Variants in ZNF888 observed in about 807,000 individuals in gnomAD.
The protein encoded by ZNF888 is zinc finger protein 888.
In ZNF888, 5 loss-of-function variants were observed where a neutral mutation model predicts 7.2. That is an observed-to-expected ratio of 0.70 (90% CI 0.36 to 1.46). ZNF888 has a LOEUF of 1.46. Ranked by LOEUF, ZNF888 falls within the 40% of genes most tolerant of loss-of-function variation. The probability of loss-of-function intolerance (pLI) is 0.03; values close to 1 mark genes in which losing one functional copy is unlikely to be tolerated. For synonymous variants in ZNF888, 240 were observed against 284.3 expected (o/e 0.84, Z 1.57); for missense variants, 716 against 858.0 (o/e 0.83, Z 2.07).
At chr19:52,918,047 T>C in intron 2 of ZNF888, 116 bp from the exon 3 acceptor site, 1 of 1,464,740 alleles carries the variant, frequency 6.8e-7, no homozygotes, top group African/African-American at 1.4e-5. Flanking sequence ...GGAAATATGG[T>C]CCACTCTGCT....
intron 2 of ZNF888, 39 bp from the exon 3 acceptor site, chr19:52,917,970 T>G: frequency 6.3e-7 from 1 of 1,597,296 alleles, no homozygotes; most frequent in East Asian, 2.2e-5. Context: ...ATATGTTGTT[T>G]ATTGCTCAGA....
chr19:52,919,562 G>T (rs1331429480), intron 1 of ZNF888, among the ~76,000 whole-genome samples: 3 of 69,820 alleles, frequency 4.3e-5, no homozygotes, highest in East Asian at 3.1e-4. Context: ...GAGATTGCAG[G>T]CTCTGCCCAG....
chr19:52,908,501 C>T (rs1306970657), intron 4 of ZNF888, among the ~76,000 whole-genome samples: 1 of 151,992 alleles, frequency 6.6e-6, no homozygotes, highest in Non-Finnish European at 1.5e-5. Flanking sequence ...ATCACTGTAA[C>T]AACAAAAAGA....
chr19:52,909,349 G>C (rs886600633), intron 4 of ZNF888, among the ~76,000 whole-genome samples: 1 of 151,514 alleles, frequency 6.6e-6, no homozygotes, highest in African/African-American at 2.4e-5. Flanking sequence ...CTGGGTTCAA[G>C]CGAGTGTCTT....
At chr19:52,922,230 G>A (rs1043431374) in intron 1 of ZNF888, among the ~76,000 whole-genome samples, 3 of 143,688 alleles carry the variant, frequency 2.1e-5, no homozygotes, top group Admixed American at 7.2e-5. Flanking sequence ...TCTTTAGATT[G>A]TTCTCAATGT....
At position 52,907,410 on chromosome 19, in the gene ZNF888, G is replaced by A. The variant is rs1161729886; in HGVS notation, c.912C>T (p.Gly304=). Reference sequence around the variant, plus strand: ...GGGCTGACTTGTCACTGAACGTCTTGCCACACTCATTACACTTGTAAGGTT... The same window carrying A: ...GGGCTGACTTGTCACTGAACGTCTTACCACACTCATTACACTTGTAAGGTT... The part of the protein sequence containing the change: ...GEKPYKCNEC[G]KTFSDKSALL... The change falls in exon 5 of 5, where the codon GGC becomes GGT. Residue 304 remains glycine (G), a synonymous_variant. Transcript: ENST00000638862. 2 of 1,612,278 alleles carry A rather than the reference G, an allele frequency of 1.2e-6. No homozygotes were observed. The highest frequency in any genetic ancestry group is 1.7e-6 in the Non-Finnish European group (2 of 1,179,054).
rs1288802526 is a variant in ZNF888, at chr19:52,920,128, G to A, written c.-177-1191C>T. On this transcript the variant is annotated intron_variant, in intron 1 of 4. Transcript: ENST00000638862. ...CAGGAGGTGAGGGGCGCCTCTGCCCGGCCGCCCCTACTGGGAAGTGAGGAG... is the reference window on the plus strand; with the variant it reads ...CAGGAGGTGAGGGGCGCCTCTGCCCAGCCGCCCCTACTGGGAAGTGAGGAG... Among the ~76,000 whole-genome samples, 5 of 53,092 alleles carry A rather than the reference G, an allele frequency of 9.4e-5. 2 individuals are homozygous for A. Among genetic ancestry groups the A allele is most frequent in the Non-Finnish European group, 2.2e-4 (5 of 23,206 alleles). 34.8% of individuals were successfully genotyped at this position (53,092 alleles called of 152,430 possible). A position where few individuals can be genotyped will look rare whatever the true frequency, so the allele number is the denominator to read the frequency against.
rs189626437 is a variant in ZNF888 at position 52,922,081 on chromosome 19, G to A, written c.-178+1288C>T. Among the ~76,000 whole-genome samples the A allele has an allele frequency of 7.9e-4, 121 of 152,216 alleles. 1 individual carries two copies. The highest frequency in any genetic ancestry group is 2.6e-4 in the Non-Finnish European group (18 of 68,008). On this transcript the variant is annotated intron_variant, in intron 1 of 4. Coordinates refer to ENST00000638862, the MANE Select transcript of ZNF888 (RefSeq NM_001393938.1). ...TGTATTCCCAGCACTTTGGGAGGTC[G>A]AGGCAGGTGGATCACCTGAAGTCAG...
chr19:52,920,533 GAA>G (rs1175516942), intron 1 of ZNF888, among the ~76,000 whole-genome samples: 462 of 24,806 alleles, frequency 0.019, 72 homozygotes, highest in African/African-American at 0.058. Context: ...AAAAGAAAAG[GAA>G]AAAAAAAAAA....
At chr19:52,917,767 G>A in intron 3 of ZNF888, 92 bp downstream of exon 3, 1 of 1,595,728 alleles carries the variant, frequency 6.3e-7, no homozygotes, top group Admixed American at 1.7e-5. Flanking sequence ...TGTCACGCAG[G>A]ATGCTTCAGA....
chr19:52,919,853 G>A lies in ZNF888; in HGVS notation c.-177-916C>T, dbSNP rs1265014327. 5.4e-5 allele frequency among the ~76,000 whole-genome samples: 3 copies of A among 55,334 alleles called. 1 individual carries two copies. The highest frequency in any genetic ancestry group is 1.9e-4 in the African/African-American group (3 of 16,064). The allele number at this position is 55,334 out of a possible 152,430, so 36.3% of individuals were successfully genotyped here. On this transcript the variant is annotated intron_variant, in intron 1 of 4. Coordinates refer to ENST00000638862, the MANE Select transcript of ZNF888 (RefSeq NM_001393938.1). ...AGGAGCGTCTCTGCCCGGCCGCCCC[G>A]TCTGAGAAGTGAGGAAACCCTCTGC...
intron 4 of ZNF888, among the ~76,000 whole-genome samples, chr19:52,913,352 T>A (rs2064708236): frequency 8.3e-6 from 1 of 120,272 alleles, no homozygotes; most frequent in African/African-American, 3.3e-5. Context: ...TGAGATGGAG[T>A]CTCACTCTGT....
At position 52,907,808 on chromosome 19, in the gene ZNF888, A is replaced by G. The variant is rs2064629503; in HGVS notation, c.514T>C (p.Ser172Pro). The G allele has an allele frequency of 1.9e-6, 3 of 1,614,052 alleles. No homozygotes were observed. Among genetic ancestry groups the G allele is most frequent in the Non-Finnish European group, 2.5e-6 (3 of 1,180,040 alleles). ...GAAATTCTTTGGGATGTTGAAACTG[A>G]GGAAGCATTGTTGATAGACTTCTCA... ...QLEKSINNAS[S>P]VSTSQRISCR... is the part of the protein sequence containing the mutation. Residue 172 changes from serine (S) to proline (P), a missense_variant, in exon 5 of 5, where the codon TCA becomes CCA. By Grantham distance (74) the Ser-to-Pro change is moderately conservative (BLOSUM62 -1). Transcript: ENST00000638862.
intron 4 of ZNF888, among the ~76,000 whole-genome samples, chr19:52,912,592 T>C (rs1398520851): frequency 1.4e-5 from 2 of 145,328 alleles, no homozygotes; most frequent in Non-Finnish European, 3.0e-5. Context: ...TAGCCCAGCA[T>C]GTTGGCAGTC....
intron 3 of ZNF888, among the ~76,000 whole-genome samples, chr19:52,916,599 C>CATACAT (rs201491425): frequency 0.011 from 1,002 of 93,426 alleles, 10 homozygotes; most frequent in African/African-American, 0.035. Context: ...GTATTATATA[C>CATACAT]ATACATATAC....
rs530792416 is a variant in ZNF888 at position 52,918,283 on chromosome 19, A to G, written c.-58-352T>C. On this transcript the variant is annotated intron_variant, in intron 2 of 4. Coordinates refer to ENST00000638862, the MANE Select transcript of ZNF888 (RefSeq NM_001393938.1). ...GGTAGGTACATTGCTTGAGCTCAGA[A>G]GTTTGAGACCAGCCTGGGCAACATG... 6.2e-6 allele frequency: 5 copies of G among 811,970 alleles called. No individual in the cohort carries two copies. In the African/African-American group the frequency reaches 9.3e-5, roughly 15 times the overall value. 50.3% of individuals were successfully genotyped at this position (811,970 alleles called of 1,614,324 possible).
chr19:52,913,762 T>G (rs2064713074), intron 4 of ZNF888: 1 of 984,034 alleles, frequency 1.0e-6, no homozygotes, highest in Non-Finnish European at 1.2e-6. Context: ...CTAACGTGGT[T>G]GTTATATTCA....
rs10424064 is a variant in ZNF888 at position 52,913,731 on chromosome 19, G to A, written c.142+1465C>T. The A allele has an allele frequency of 4.3e-3, 4,223 of 984,310 alleles. 145 individuals are homozygous for A. In the African/African-American group the frequency reaches 0.069, roughly 16 times the overall value. 61.0% of individuals were successfully genotyped at this position (984,310 alleles called of 1,614,324 possible). A position where few individuals can be genotyped will look rare whatever the true frequency, so the allele number is the denominator to read the frequency against. On this transcript the variant is annotated intron_variant, in intron 4 of 4. Transcript: ENST00000638862. ...TATCTATACGACACACTTCACTTCT[G>A]CGTACTGAAAGGAATGGACACTAAC... is the stretch of plus-strand genomic sequence containing the variant.
chr19:52,912,663 G>T, intron 4 of ZNF888, among the ~76,000 whole-genome samples: 1 of 151,794 alleles, frequency 6.6e-6, no homozygotes, highest in Non-Finnish European at 1.5e-5. Flanking sequence ...CTGGGAGGTG[G>T]AGGTTGCAGT....
Sources: allele counts gnomAD v4.1 joint callset (sites outside exome capture counted in the v4.1 genomes callset), GRCh38; gene constraint gnomAD v4.1.1; transcripts MANE v1.5; gene names NCBI Gene and HGNC (gene_info 2026-07-23, HGNC 2026-07-21).